Variants in SCN2A observed in about 807,000 individuals in gnomAD.
SCN2A encodes sodium voltage-gated channel alpha subunit 2, also known as sodium channel protein type 2 subunit alpha.
Under a neutral mutation model 188.7 loss-of-function variants are expected in SCN2A, and 20 were observed. The ratio of observed to expected loss-of-function variants is 0.11; its 90% CI spans 0.07 to 0.15. SCN2A has a LOEUF of 0.15. SCN2A is among the 10% of genes least tolerant of loss of function. SCN2A has a pLI of 1.00. For synonymous variants in SCN2A, 804 were observed against 833.1 expected (o/e 0.97, Z 0.60); for missense variants, 1,278 against 2,445.0 (o/e 0.52, Z 10.07).
rs1444403700 is a variant in SCN2A, at chr2:165,258,214, G to A, written c.-52+18574G>A. Among the ~76,000 whole-genome samples the A allele has an allele frequency of 2.0e-5, 3 of 152,112 alleles. No homozygotes were observed. In the East Asian group the frequency reaches 5.8e-4, roughly 29 times the overall value. On this transcript the variant is annotated intron_variant, in intron 1 of 26. Coordinates refer to ENST00000375437, the MANE Select transcript of SCN2A (RefSeq NM_001040142.2). The stretch of plus-strand genomic sequence containing the variant: ...TTTTAGTTTTGTTGCAATCGCTTTG[G>A]CATTTTTGTCATGAAACTTTTGCCA...
At chr2:165,248,025 A>G (rs939279269) in intron 1 of SCN2A, among the ~76,000 whole-genome samples, 1 of 152,054 alleles carries the variant, frequency 6.6e-6, no homozygotes, top group Non-Finnish European at 1.5e-5. Flanking sequence ...GTCCATGAGA[A>G]ATTCCTGTTG....
intron 1 of SCN2A, chr2:165,269,006 G>A (rs1439943513): frequency 6.6e-6 from 1 of 151,928 alleles, no homozygotes; most frequent in Non-Finnish European, 1.5e-5. Context: ...TGTAGGGGTG[G>A]AGGAATGGAA....
chr2:165,299,651 A>T (rs1696697431), intron 3 of SCN2A, among the ~76,000 whole-genome samples: 1 of 152,144 alleles, frequency 6.6e-6, no homozygotes, highest in African/African-American at 2.4e-5. Flanking sequence ...AGGTATATAG[A>T]TGCTGTAGTT....
rs1553462203 is a variant in SCN2A at position 165,381,107 on chromosome 2, C to T, written c.4461C>T (p.Asp1487=). Residue 1487 remains aspartate, a synonymous_variant, in exon 25 of 27, where the codon GAC becomes GAT. Coordinates refer to ENST00000375437, the MANE Select transcript of SCN2A (RefSeq NM_001040142.2). The part of the protein sequence containing the change: ...NQQKKKFGGQ[D]IFMTEEQKKY... ...CATTTCTTTACTTTGGAGGTCAAGA[C>T]ATTTTTATGACAGAAGAACAGAAGA... 2.5e-6 allele frequency: 4 copies of T among 1,586,192 alleles called. No individual in the cohort carries two copies. Among genetic ancestry groups the T allele is most frequent in the South Asian group, 1.1e-5 (1 of 87,454 alleles).
intron 1 of SCN2A, among the ~76,000 whole-genome samples, chr2:165,242,063 G>C (rs1324885486): frequency 6.6e-6 from 1 of 152,104 alleles, no homozygotes; most frequent in Non-Finnish European, 1.5e-5. Context: ...CCCTGGGGCA[G>C]TAAAAGTAAG....
chr2:165,308,491 A>C lies in SCN2A; in HGVS notation c.477-175A>C, dbSNP rs990174472. The stretch of plus-strand genomic sequence containing the variant: ...ATACATTTATTTACAGTCAATGAGA[A>C]TGTCTTTTGGAATTTAATGTTTCTT... On this transcript the variant is annotated intron_variant, in intron 4 of 26. Coordinates refer to ENST00000375437, the MANE Select transcript of SCN2A (RefSeq NM_001040142.2). 5.9e-5 allele frequency among the ~76,000 whole-genome samples: 9 copies of C among 152,226 alleles called. No individual in the cohort carries two copies. The East Asian group carries it at 1.2e-3, about 20-fold the overall frequency.
intron 14 of SCN2A, among the ~76,000 whole-genome samples, chr2:165,334,482 C>CAA (rs1698875721): frequency 6.6e-6 from 1 of 151,644 alleles, no homozygotes; most frequent in Non-Finnish European, 1.5e-5. Flanking sequence ...GCTGGACCAG[C>CAA]ATAAAAAATT....
At chr2:165,296,247 G>T in intron 2 of SCN2A, 157 bp downstream of exon 2, 1 of 721,146 alleles carries the variant, frequency 1.4e-6, no homozygotes. Flanking sequence ...AATGATCCTA[G>T]AAGTCTTTTG....
chr2:165,259,869 C>T (rs1694495294), intron 1 of SCN2A, among the ~76,000 whole-genome samples: 1 of 151,394 alleles, frequency 6.6e-6, no homozygotes, highest in Non-Finnish European at 1.5e-5. Context: ...AGTTTTCCAA[C>T]TTACTTTGCC....
chr2:165,255,893 C>A (rs183177016), intron 1 of SCN2A, among the ~76,000 whole-genome samples: 6 of 151,854 alleles, frequency 4.0e-5, no homozygotes, highest in African/African-American at 1.2e-4. Flanking sequence ...CCGCCCACCC[C>A]CCTTGGAAAC....
intron 25 of SCN2A, among the ~76,000 whole-genome samples, chr2:165,381,510 A>G (rs911601837): frequency 3.5e-5 from 5 of 142,428 alleles, no homozygotes; most frequent in African/African-American, 1.2e-4. Context: ...AAAATAAAAT[A>G]CATACATACA....
At chr2:165,350,439 G>A (rs1699821983) in intron 16 of SCN2A, among the ~76,000 whole-genome samples, 1 of 148,122 alleles carries the variant, frequency 6.8e-6, no homozygotes, top group Admixed American at 6.7e-5. Context: ...CAGTCCCTGA[G>A]TGAGCTTGCT....
chr2:165,274,883 G>A (rs758380279), intron 1 of SCN2A, among the ~76,000 whole-genome samples: 8 of 151,212 alleles, frequency 5.3e-5, no homozygotes, highest in Non-Finnish European at 8.9e-5. Context: ...TCCTCCTTCT[G>A]TTCTCAAGCC....
intron 17 of SCN2A, among the ~76,000 whole-genome samples, chr2:165,364,539 A>G (rs1700627083): frequency 6.6e-6 from 1 of 152,124 alleles, no homozygotes; most frequent in Non-Finnish European, 1.5e-5. Context: ...ACAGGAGTGC[A>G]TTGGCCAAAG....
In SCN2A at chr2:165,373,250, A is replaced by C. The variant is rs1701137702; in HGVS notation, c.3875A>C (p.Asn1292Thr). The C allele has an allele frequency of 1.2e-6, 2 of 1,613,460 alleles. No individual in the cohort carries two copies. The highest frequency in any genetic ancestry group is 1.7e-5 in the Admixed American group (1 of 59,992). The change falls in exon 21 of 27, where the codon AAT (asparagine) becomes ACT (threonine). Residue 1292 changes from asparagine to threonine, a missense_variant. Coordinates refer to ENST00000375437, the MANE Select transcript of SCN2A (RefSeq NM_001040142.2). ...VDVSLVSLTA[N>T]ALGYSELGAI... ...GTCTCACTGGTTAGCTTAACTGCAA[A>C]TGCCTTGGGTTACTCAGAACTTGGT...
intron 1 of SCN2A, among the ~76,000 whole-genome samples, chr2:165,251,354 G>A (rs985734725): frequency 1.3e-5 from 2 of 151,950 alleles, no homozygotes; most frequent in Non-Finnish European, 2.9e-5. Flanking sequence ...CAAAAGAAAC[G>A]ATAATATGTG....
intron 12 of SCN2A, among the ~76,000 whole-genome samples, chr2:165,325,159 A>G: frequency 6.6e-6 from 1 of 152,136 alleles, no homozygotes; most frequent in East Asian, 1.9e-4. Flanking sequence ...CCATGCAGGA[A>G]TACAGACAGA....
rs1559340718 is a variant in SCN2A at position 165,291,568 on chromosome 2, CCT to C, written c.-51-4204_-51-4203del. On this transcript the variant is annotated intron_variant, in intron 1 of 26. Transcript: ENST00000375437. ...TCCTTCCTTCCTTCCTTCCTTCCTT[CCT>C]TCCTTTCTCTCTCTCTCTCTCTCTC... 2.1e-4 allele frequency among the ~76,000 whole-genome samples: 15 copies of C among 71,366 alleles called. No homozygotes were observed. In the East Asian group the frequency reaches 5.1e-3, roughly 24 times the overall value. 46.8% of individuals were successfully genotyped at this position (71,366 alleles called of 152,430 possible).
intron 1 of SCN2A, among the ~76,000 whole-genome samples, chr2:165,287,460 A>C (rs192841916): frequency 6.7e-4 from 101 of 150,798 alleles, no homozygotes; most frequent in African/African-American, 2.4e-3. Flanking sequence ...GCTTGAGCTC[A>C]CTCACCCAAT....
Sources: allele counts gnomAD v4.1 joint callset (sites outside exome capture counted in the v4.1 genomes callset), GRCh38; gene constraint gnomAD v4.1.1; transcripts MANE v1.5; gene names NCBI Gene and HGNC (gene_info 2026-07-23, HGNC 2026-07-21).